Variants in MAPT observed in about 807,000 individuals in gnomAD.
The protein encoded by MAPT is microtubule associated protein tau.
A neutral mutation model predicts 67.9 loss-of-function variants in MAPT; 34 were observed. The observed-to-expected ratio is 0.50, with a 90% CI of 0.38 to 0.67. The LOEUF (loss-of-function observed/expected upper bound fraction) is 0.67, where lower values mean the gene tolerates loss of function less well. Among genes scored for constraint, MAPT ranks in the 30% least tolerant of loss-of-function variants. MAPT has a pLI of 0.00. For missense variants in MAPT, 881 were observed against 1,115.2 expected (o/e 0.79, Z 2.99); for synonymous variants, 456 against 464.5 (o/e 0.98, Z 0.23).
At chr17:45,920,136 G>A (rs1050569735) in intron 1 of MAPT, among the ~76,000 whole-genome samples, 7 of 152,222 alleles carry the variant, frequency 4.6e-5, no homozygotes, top group African/African-American at 9.7e-5. Flanking sequence ...CAGGCAGAAC[G>A]TACACAGTCT....
chr17:46,013,043 C>T (rs1041216094), intron 10 of MAPT, among the ~76,000 whole-genome samples: 2 of 152,204 alleles, frequency 1.3e-5, no homozygotes, highest in Non-Finnish European at 2.9e-5. Context: ...CAAAATAATT[C>T]GGGATGGTTC....
chr17:46,022,765 TACTTTCA>T (rs2076608365), intron 12 of MAPT, among the ~76,000 whole-genome samples: 1 of 152,170 alleles, frequency 6.6e-6, no homozygotes, highest in Non-Finnish European at 1.5e-5. Context: ...TGTGTTTCTC[TACTTTCA>T]AAAGGGCTTC....
intron 1 of MAPT, among the ~76,000 whole-genome samples, chr17:45,919,379 T>C (rs892503526): frequency 1.3e-5 from 2 of 152,080 alleles, no homozygotes; most frequent in Non-Finnish European, 2.9e-5. Context: ...CTCCCTGGCA[T>C]CCTCACGCTG....
At chr17:45,958,334 C>T (rs2069965298) in intron 1 of MAPT, among the ~76,000 whole-genome samples, 1 of 152,086 alleles carries the variant, frequency 6.6e-6, no homozygotes, top group Non-Finnish European at 1.5e-5. Context: ...AAGATAGTTG[C>T]CACAAATATG....
chr17:46,003,648 A>T (rs963799894), intron 9 of MAPT, among the ~76,000 whole-genome samples: 2 of 152,210 alleles, frequency 1.3e-5, no homozygotes, highest in Admixed American at 6.5e-5. Context: ...TAGAACATTT[A>T]TGTGGAATAA....
chr17:46,019,170 G>T (rs182333921), intron 12 of MAPT, among the ~76,000 whole-genome samples: 78 of 152,250 alleles, frequency 5.1e-4, no homozygotes, highest in Non-Finnish European at 7.1e-4. Context: ...GAGAAGCAAA[G>T]GCATTTCTTA....
chr17:45,957,050 A>G (rs1404192426), intron 1 of MAPT, among the ~76,000 whole-genome samples: 1 of 152,162 alleles, frequency 6.6e-6, no homozygotes, highest in Admixed American at 6.5e-5. Context: ...TAGTGCCGCA[A>G]TAAACATACG....
intron 11 of MAPT, among the ~76,000 whole-genome samples, chr17:46,017,867 C>T (rs891782933): frequency 6.6e-6 from 1 of 150,958 alleles, no homozygotes; most frequent in Non-Finnish European, 1.5e-5. Context: ...CTTAATGGGC[C>T]GGGCGCAGTG....
chr17:46,004,876 C>T (rs761693312), intron 9 of MAPT, among the ~76,000 whole-genome samples: 6 of 152,158 alleles, frequency 3.9e-5, no homozygotes, highest in Non-Finnish European at 5.9e-5. Context: ...CTCCACCTCC[C>T]GGGTTCATGC....
chr17:45,904,513 T>A (rs2064159651), intron 1 of MAPT, among the ~76,000 whole-genome samples: 1 of 146,574 alleles, frequency 6.8e-6, no homozygotes, highest in South Asian at 2.1e-4. Flanking sequence ...CAAAACAAGA[T>A]CCTGTCTCTA....
intron 12 of MAPT, among the ~76,000 whole-genome samples, chr17:46,019,790 T>C (rs2076406885): frequency 1.3e-5 from 2 of 150,940 alleles, no homozygotes; most frequent in South Asian, 4.3e-4. Flanking sequence ...GGTGGGCAGA[T>C]GGCTTGAGGT....
chr17:45,989,762 C>G (rs2073912749), intron 6 of MAPT, 116 bp from the exon 7 acceptor site: 1 of 907,684 alleles, frequency 1.1e-6, no homozygotes, highest in Non-Finnish European at 1.8e-6. Context: ...GCCTGGAGAT[C>G]ACTGCTTTCA....
At chr17:45,954,688 T>C (rs1207287361) in intron 1 of MAPT, among the ~76,000 whole-genome samples, 1 of 152,068 alleles carries the variant, frequency 6.6e-6, no homozygotes, top group African/African-American at 2.4e-5. Context: ...TTTAAAATTA[T>C]AATGAAAGCT....
At position 46,009,365 on chromosome 17, in the gene MAPT, C is replaced by T. The variant is rs1334242446; in HGVS notation, c.1999-945C>T. 2.7e-5 allele frequency among the ~76,000 whole-genome samples: 4 copies of T among 147,274 alleles called. No individual in the cohort carries two copies. In the East Asian group the frequency reaches 7.7e-4, roughly 28 times the overall value. On this transcript the variant is annotated intron_variant, in intron 9 of 12. Coordinates refer to ENST00000262410, the MANE Select transcript of MAPT (RefSeq NM_001377265.1). Reference sequence around the variant, plus strand: ...AACCATGGTTTTCTATTTCATAGTTCTTAGGCAAATTGGTAAAAATCATTT... The same window carrying T: ...AACCATGGTTTTCTATTTCATAGTTTTTAGGCAAATTGGTAAAAATCATTT...
chr17:45,921,652 C>T (rs1232616784), intron 1 of MAPT, among the ~76,000 whole-genome samples: 1 of 152,188 alleles, frequency 6.6e-6, no homozygotes, highest in Non-Finnish European at 1.5e-5. Context: ...CAAGATAAAT[C>T]AGAAATCGTA....
At chr17:45,962,083 G>A (rs2070490590) in intron 1 of MAPT, among the ~76,000 whole-genome samples, 4 of 152,192 alleles carry the variant, frequency 2.6e-5, no homozygotes, top group South Asian at 2.1e-4. Context: ...CCGTCACCTG[G>A]TGGTGTTGAA....
chr17:46,002,697 G>C (rs2075102878), intron 9 of MAPT, among the ~76,000 whole-genome samples: 1 of 152,188 alleles, frequency 6.6e-6, no homozygotes, highest in Admixed American at 6.5e-5. Flanking sequence ...CAATATTCAA[G>C]ATGGCCACAA....
chr17:45,944,318 G>A (rs1017066652), intron 1 of MAPT, among the ~76,000 whole-genome samples: 2 of 152,196 alleles, frequency 1.3e-5, no homozygotes, highest in African/African-American at 4.8e-5. Flanking sequence ...CATGGAGGGA[G>A]CTGAGCCGAG....
rs1275894239 is a variant in MAPT at position 46,025,154 on chromosome 17, C to T, written c.*983C>T. ...GCCATGATTTTGGCCACTTTGCAGA[C>T]CTGGGACTTTAGGGCTAACCAGTTC... On this transcript the variant is annotated 3_prime_UTR_variant, in exon 13 of 13. Coordinates refer to ENST00000262410, the MANE Select transcript of MAPT (RefSeq NM_001377265.1). 6.5e-6 allele frequency: 1 copy of T among 152,696 alleles called. No homozygotes were observed. Among genetic ancestry groups the T allele is most frequent in the East Asian group, 1.9e-4 (1 of 5,188 alleles). The allele number at this position is 152,696 out of a possible 1,614,324, so 9.5% of individuals were successfully genotyped here. A position where few individuals can be genotyped will look rare whatever the true frequency, so the allele number is the denominator to read the frequency against.
Sources: allele counts gnomAD v4.1 joint callset (sites outside exome capture counted in the v4.1 genomes callset), GRCh38; gene constraint gnomAD v4.1.1; transcripts MANE v1.5; gene names NCBI Gene and HGNC (gene_info 2026-07-23, HGNC 2026-07-21).